Variants in UNC13C observed in about 807,000 individuals in gnomAD.
UNC13C encodes protein unc-13 homolog C.
UNC13C carries 174 observed loss-of-function variants against 245.4 expected under a neutral mutation model. That is an observed-to-expected ratio of 0.71 (90% CI 0.63 to 0.80). The LOEUF (loss-of-function observed/expected upper bound fraction) is 0.80. UNC13C is among the 30% of genes least tolerant of loss of function. The pLI is 0.00. For synonymous variants in UNC13C, 992 were observed against 895.1 expected, an observed-to-expected ratio of 1.11 and a Z score of -1.93; for missense variants, 2,829 against 2,602.9, an observed-to-expected ratio of 1.09 and a Z score of -1.89.
At chr15:54,296,937 C>T (rs943695445) in intron 11 of UNC13C, among the ~76,000 whole-genome samples, 1 of 152,212 alleles carries the variant, frequency 6.6e-6, no homozygotes, top group South Asian at 2.1e-4. Flanking sequence ...TACGCACGCA[C>T]ATTTTATGGC....
chr15:54,149,266 T>C (rs975244703), intron 4 of UNC13C, among the ~76,000 whole-genome samples: 24 of 152,230 alleles, frequency 1.6e-4, no homozygotes, highest in Non-Finnish European at 3.4e-4. Flanking sequence ...TGTGTTTTTA[T>C]AGCAGTGTGA....
the UNC13C span, among the ~76,000 whole-genome samples, chr15:53,954,877 C>A: frequency 6.6e-6 from 1 of 152,212 alleles, no homozygotes; most frequent in Non-Finnish European, 1.5e-5. Flanking sequence ...TCTAGCCTTA[C>A]ACAGAGTATC....
intron 19 of UNC13C, among the ~76,000 whole-genome samples, chr15:54,455,205 CTATATATA>C (rs1214014395): frequency 0.019 from 364 of 18,922 alleles, 26 homozygotes; most frequent in African/African-American, 0.063. Context: ...CTCTCTCTCT[CTATATATA>C]TATATATATA....
At chr15:54,619,409 T>C (rs1900656277) in intron 30 of UNC13C, among the ~76,000 whole-genome samples, 1 of 152,192 alleles carries the variant, frequency 6.6e-6, no homozygotes, top group Admixed American at 6.5e-5. Context: ...ACTTTGATCT[T>C]TCCTGGCCAA....
chr15:54,623,723 A>T, intron 31 of UNC13C, 72 bp from the exon 32 acceptor site: 1 of 1,442,692 alleles, frequency 6.9e-7, no homozygotes, highest in Non-Finnish European at 9.4e-7. Context: ...TGGCTTCATA[A>T]ATCACTTTTA....
chr15:54,222,183 T>C (rs561888943), intron 4 of UNC13C, among the ~76,000 whole-genome samples: 1 of 151,998 alleles, frequency 6.6e-6, no homozygotes, highest in South Asian at 2.1e-4. Flanking sequence ...AATACAAGAT[T>C]TTATCCATTC....
chr15:54,552,669 C>CTA (rs540723757), intron 28 of UNC13C, among the ~76,000 whole-genome samples: 837 of 70,358 alleles, frequency 0.012, 70 homozygotes, highest in African/African-American at 0.051. Context: ...TTATATTGTA[C>CTA]TATATAATAT....
chr15:54,355,229 T>C (rs1158785888), intron 17 of UNC13C, among the ~76,000 whole-genome samples: 1 of 152,210 alleles, frequency 6.6e-6, no homozygotes, highest in Non-Finnish European at 1.5e-5. Context: ...AGAAACAAAC[T>C]TAAAACTTTA....
chr15:54,048,870 GTT>G, intron 2 of UNC13C: 1 of 252,688 alleles, frequency 4.0e-6, no homozygotes. Context: ...TTCACGTAAT[GTT>G]TTAGGCAAAG....
intron 19 of UNC13C, among the ~76,000 whole-genome samples, chr15:54,457,801 TTTTG>T (rs1427686010): frequency 2.6e-5 from 4 of 151,982 alleles, no homozygotes; most frequent in Admixed American, 6.6e-5. Flanking sequence ...GATCTTTTGA[TTTTG>T]TTTATCTTTT....
rs117521229 is a variant in UNC13C at position 54,340,178 on chromosome 15, A to G, written c.4713+1689A>G. Reference sequence around the variant, plus strand: ...TGTTTGAGTTTCTTGTAGATTCTGGATATTAGTCCTCTGACAGATGTATAG... The same window carrying G: ...TGTTTGAGTTTCTTGTAGATTCTGGGTATTAGTCCTCTGACAGATGTATAG... On this transcript the variant is annotated intron_variant, in intron 17 of 32. Coordinates refer to ENST00000260323, the MANE Select transcript of UNC13C (RefSeq NM_001080534.3). Among the ~76,000 whole-genome samples, 615 of 152,086 alleles carry G rather than the reference A, an allele frequency of 4.0e-3. 27 individuals carry two copies. The East Asian group carries it at 0.087, about 22-fold the overall frequency.
rs561486487 is a variant in UNC13C at position 54,344,619 on chromosome 15, C to T, written c.4713+6130C>T. Among the ~76,000 whole-genome samples the T allele has an allele frequency of 2.0e-4, 30 of 152,208 alleles. No individual in the cohort carries two copies. The South Asian group carries it at 5.0e-3, about 25-fold the overall frequency. ...ATTATTTAGGGGGTTAATGCTCTCTCGAGCCCTTTTGAAGCCATCTAGGAA... is the reference window on the plus strand; with the variant it reads ...ATTATTTAGGGGGTTAATGCTCTCTTGAGCCCTTTTGAAGCCATCTAGGAA... On this transcript the variant is annotated intron_variant, in intron 17 of 32. Coordinates refer to ENST00000260323, the MANE Select transcript of UNC13C (RefSeq NM_001080534.3).
intron 13 of UNC13C, among the ~76,000 whole-genome samples, chr15:54,301,441 C>T (rs1181463740): frequency 2.6e-5 from 4 of 152,014 alleles, no homozygotes; most frequent in Non-Finnish European, 2.9e-5. Context: ...CTCCCTTAGC[C>T]GTCTACGCCC....
At chr15:54,410,423 G>C (rs1001185907) in intron 18 of UNC13C, among the ~76,000 whole-genome samples, 2 of 151,394 alleles carry the variant, frequency 1.3e-5, no homozygotes, top group African/African-American at 4.9e-5. Flanking sequence ...TGCTTTTGGG[G>C]TCATCATAAA....
chr15:54,330,169 A>C (rs1045578904), intron 14 of UNC13C, among the ~76,000 whole-genome samples: 15 of 152,160 alleles, frequency 9.9e-5, no homozygotes, highest in African/African-American at 3.6e-4. Flanking sequence ...CAAAAGTTGA[A>C]AAGTCTGAAT....
intron 4 of UNC13C, among the ~76,000 whole-genome samples, chr15:54,164,668 C>G (rs1567060838): frequency 6.6e-6 from 1 of 152,104 alleles, no homozygotes. Context: ...TTTCACTAAA[C>G]AATTATGGAA....
intron 2 of UNC13C, among the ~76,000 whole-genome samples, chr15:54,054,551 A>T (rs1016106459): frequency 2.0e-5 from 3 of 152,208 alleles, no homozygotes; most frequent in African/African-American, 4.8e-5. Context: ...TAGGATCATT[A>T]AGCTGGATGT....
the UNC13C span, among the ~76,000 whole-genome samples, chr15:53,869,823 A>G: frequency 0.31 from 47,013 of 152,082 alleles, 7,997 homozygotes; most frequent in Non-Finnish European, 0.37. Flanking sequence ...CCCAGTTGCT[A>G]ACTCCCCAGA....
intron 18 of UNC13C, among the ~76,000 whole-genome samples, chr15:54,402,027 A>G (rs1317489528): frequency 6.6e-6 from 1 of 151,418 alleles, no homozygotes; most frequent in African/African-American, 2.4e-5. Flanking sequence ...TGACACATGT[A>G]TTTCAATATA....
Sources: gnomAD v4.1 joint callset for allele counts (sites outside exome capture counted in the v4.1 genomes callset) on GRCh38, gnomAD v4.1.1 for gene constraint, MANE v1.5 for transcripts, NCBI Gene and HGNC (gene_info 2026-07-23, HGNC 2026-07-21) for gene names.